The following OXR1 variants were observed in gnomAD, a reference collection of about 807,000 sequenced individuals.
OXR1 encodes oxidation resistance protein 1.
OXR1 carries 41 observed loss-of-function variants against 104.6 expected under a neutral mutation model. That is an observed-to-expected ratio of 0.39 (90% CI 0.31 to 0.51). The LOEUF is 0.51. Among genes scored for constraint, OXR1 ranks in the 20% least tolerant of loss-of-function variants. OXR1 has a pLI of 0.77. For synonymous variants in OXR1, 348 were observed against 348.4 expected (o/e 1.00, Z 0.01); for missense variants, 955 against 1,031.9 (o/e 0.93, Z 1.02).
At chr8:106,353,615 C>A (rs889030274) in intron 1 of OXR1, among the ~76,000 whole-genome samples, 6 of 151,530 alleles carry the variant, frequency 4.0e-5, no homozygotes, top group Admixed American at 3.9e-4. Flanking sequence ...TTTTAATTGG[C>A]AAATATAAAT....
At chr8:106,425,524 A>G (rs1011375056) in intron 2 of OXR1, among the ~76,000 whole-genome samples, 3 of 152,200 alleles carry the variant, frequency 2.0e-5, no homozygotes, top group Non-Finnish European at 4.4e-5. Context: ...GAAAAGAACC[A>G]GGGATCAGTA....
At chr8:106,352,729 G>T (rs961964648) in intron 1 of OXR1, among the ~76,000 whole-genome samples, 8 of 152,014 alleles carry the variant, frequency 5.3e-5, no homozygotes, top group Non-Finnish European at 8.8e-5. Flanking sequence ...AAAAAATAAA[G>T]GTGCAGGTAA....
intron 3 of OXR1, among the ~76,000 whole-genome samples, chr8:106,594,752 T>G (rs1819384196): frequency 6.6e-6 from 1 of 152,214 alleles, no homozygotes; most frequent in Non-Finnish European, 1.5e-5. Flanking sequence ...GACTCAGAAC[T>G]GACCTATGAA....
chr8:106,359,977 A>G (rs1816170275), intron 2 of OXR1, among the ~76,000 whole-genome samples: 1 of 152,144 alleles, frequency 6.6e-6, no homozygotes, highest in African/African-American at 2.4e-5. Flanking sequence ...AGGACTAGCA[A>G]GCTATATGGG....
In OXR1 at chr8:106,636,402, G is replaced by A. The variant is rs1823138668; in HGVS notation, c.221-42808G>A. On this transcript the variant is annotated intron_variant, in intron 3 of 16. Coordinates refer to ENST00000517566, the MANE Select transcript of OXR1 (RefSeq NM_001198533.2). ...CAAACCCTTTTGCAACTTATTAAGT[G>A]GCAGTATTTGTGCTAGTATGTCTTA... 1.3e-5 allele frequency among the ~76,000 whole-genome samples: 2 copies of A among 151,938 alleles called. 1 individual carries two copies. Among genetic ancestry groups the A allele is most frequent in the Non-Finnish European group, 2.9e-5 (2 of 67,990 alleles).
chr8:106,571,748 C>T (rs1817484213), intron 3 of OXR1, among the ~76,000 whole-genome samples: 1 of 152,128 alleles, frequency 6.6e-6, no homozygotes, highest in Admixed American at 6.6e-5. Flanking sequence ...TGCTTTCCAG[C>T]TATAAACCTG....
At chr8:106,416,682 G>C (rs1818692643) in intron 2 of OXR1, among the ~76,000 whole-genome samples, 1 of 152,074 alleles carries the variant, frequency 6.6e-6, no homozygotes, top group Non-Finnish European at 1.5e-5. Context: ...TGTTCTGTCT[G>C]TATTCATGGG....
At position 106,348,502 on chromosome 8, in the gene OXR1, C is replaced by CT. The variant is rs565040499; in HGVS notation, c.-138-10966dup. 1.3e-4 allele frequency among the ~76,000 whole-genome samples: 20 copies of CT among 151,842 alleles called. No individual in the cohort carries two copies. The South Asian group carries it at 1.5e-3, about 11-fold the overall frequency. Reference sequence around the variant, plus strand: ...TTATTTTAAAAAATTTAATCTGCTGCTTTTTTTTAACTTAAACTGTTTTTT... The same window carrying CT: ...TTATTTTAAAAAATTTAATCTGCTGCTTTTTTTTTAACTTAAACTGTTTTTT... On this transcript the variant is annotated intron_variant, in intron 1 of 16. Transcript: ENST00000517566.
chr8:106,718,523 T>A (rs1336187386), intron 11 of OXR1, among the ~76,000 whole-genome samples: 1 of 152,206 alleles, frequency 6.6e-6, no homozygotes, highest in East Asian at 1.9e-4. Context: ...GTAGTGTTAC[T>A]TTGTATGCCA....
At chr8:106,717,503 A>G (rs1832382854) in intron 11 of OXR1, among the ~76,000 whole-genome samples, 1 of 152,186 alleles carries the variant, frequency 6.6e-6, no homozygotes, top group Non-Finnish European at 1.5e-5. Flanking sequence ...GATCTTTATT[A>G]TCCCTGACTG....
intron 3 of OXR1, among the ~76,000 whole-genome samples, chr8:106,549,854 T>G (rs931764035): frequency 3.3e-5 from 5 of 152,190 alleles, no homozygotes; most frequent in African/African-American, 7.2e-5. Context: ...CTTTTTGTGT[T>G]AAGTGTCAAC....
chr8:106,273,069 A>G (rs1273639995), intron 1 of OXR1, among the ~76,000 whole-genome samples: 1 of 151,840 alleles, frequency 6.6e-6, no homozygotes, highest in Admixed American at 6.6e-5. Flanking sequence ...AGAATCTTTT[A>G]CTCCCGATCT....
intron 3 of OXR1, among the ~76,000 whole-genome samples, chr8:106,556,188 T>A (rs1028945139): frequency 6.6e-6 from 1 of 152,088 alleles, no homozygotes; most frequent in Non-Finnish European, 1.5e-5. Context: ...TGATACTTCC[T>A]TTTTGGTGAT....
chr8:106,736,602 A>AATT (rs1396203216), intron 11 of OXR1, among the ~76,000 whole-genome samples: 2 of 152,164 alleles, frequency 1.3e-5, no homozygotes, highest in Non-Finnish European at 2.9e-5. Context: ...CTGTTTTTAG[A>AATT]ATTATGTCAT....
intron 11 of OXR1, chr8:106,726,352 T>C: frequency 2.0e-6 from 2 of 980,374 alleles, no homozygotes. Context: ...TATACTAGTC[T>C]TTTCATGGTG....
intron 11 of OXR1, among the ~76,000 whole-genome samples, chr8:106,735,102 G>GTTTCCTCATATATA (rs1444940340): frequency 2.6e-5 from 4 of 151,964 alleles, no homozygotes; most frequent in Non-Finnish European, 5.9e-5. Flanking sequence ...AGTAATTCCA[G>GTTTCCTCATATATA]TTTCCTCATA....
intron 1 of OXR1, among the ~76,000 whole-genome samples, chr8:106,285,804 C>T (rs947791282): frequency 1.3e-5 from 2 of 152,120 alleles, no homozygotes; most frequent in African/African-American, 4.8e-5. Context: ...GCCTTAGAGT[C>T]TGACTACTAT....
At position 106,340,151 on chromosome 8, in the gene OXR1, G is replaced by A. The variant is rs181339768; in HGVS notation, c.-138-19325G>A. 2.1e-3 allele frequency among the ~76,000 whole-genome samples: 317 copies of A among 151,546 alleles called. 1 individual carries two copies. Among genetic ancestry groups the A allele is most frequent in the Non-Finnish European group, 3.7e-3 (251 of 67,918 alleles). ...CCTGAATCCTTTTAACCATAACTCC[G>A]GTTTTTGTACTATAGTGATTAGCAG... On this transcript the variant is annotated intron_variant, in intron 1 of 16. Transcript: ENST00000517566.
At chr8:106,639,382 A>C (rs1232327658) in intron 3 of OXR1, among the ~76,000 whole-genome samples, 6 of 152,210 alleles carry the variant, frequency 3.9e-5, no homozygotes, top group Admixed American at 3.9e-4. Context: ...CCTTCTGTAA[A>C]TTTTATTTTA....
Sources: allele counts gnomAD v4.1 joint callset (sites outside exome capture counted in the v4.1 genomes callset), GRCh38; gene constraint gnomAD v4.1.1; transcripts MANE v1.5; gene names NCBI Gene and HGNC (gene_info 2026-07-23, HGNC 2026-07-21).